The following MYZAP variants were observed in gnomAD, a reference collection of about 807,000 sequenced individuals.
MYZAP encodes GRINL1A complex locus upstream.
In MYZAP, 66 loss-of-function variants were observed where a neutral mutation model predicts 69.4. The ratio of observed to expected loss-of-function variants is 0.95; its 90% CI spans 0.78 to 1.17. The LOEUF (loss-of-function observed/expected upper bound fraction) is 1.17, where lower values mean the gene tolerates loss of function less well. Ranked by LOEUF, MYZAP falls within the 50% of genes most tolerant of loss-of-function variation. The pLI, the probability that MYZAP is intolerant of heterozygous loss-of-function variation, is 0.00. For missense variants in MYZAP, 611 were observed against 556.2 expected (o/e 1.10, Z -0.99); for synonymous variants, 256 against 205.9 (o/e 1.24, Z -2.09).
intron 4 of MYZAP, among the ~76,000 whole-genome samples, chr15:57,623,592 G>C (rs1469019635): frequency 5.3e-5 from 8 of 152,020 alleles, no homozygotes; most frequent in African/African-American, 1.9e-4. Flanking sequence ...AATTAGCCGG[G>C]CATGGTGGTG....
intron 12 of MYZAP, among the ~76,000 whole-genome samples, chr15:57,679,340 T>TTTTGTGTGTGTGTG (rs573596736): frequency 1.6e-5 from 2 of 125,512 alleles, no homozygotes. Flanking sequence ...TTTCACCTCT[T>TTTTGTGTGTGTGTG]TGTGTGTGTG....
chr15:57,593,188 G>GCATGCGCGCGCGCACACACACACACACA lies in MYZAP; in HGVS notation c.75+1081_75+1082insTGCGCGCGCGCACACACACACACACACA. 3.7e-3 allele frequency among the ~76,000 whole-genome samples: 424 copies of GCATGCGCGCGCGCACACACACACACACA among 114,192 alleles called. 7 individuals carry two copies. The highest frequency in any genetic ancestry group is 6.0e-3 in the Admixed American group (70 of 11,582). 74.9% of individuals were successfully genotyped at this position (114,192 alleles called of 152,430 possible). A position where few individuals can be genotyped will look rare whatever the true frequency, so the allele number is the denominator to read the frequency against. ...AGACACTTAGGTTGTGTACACAGGC[G>GCATGCGCGCGCGCACACACACACACACA]CACACACACACACACACACACACAC... On this transcript the variant is annotated intron_variant, in intron 1 of 12. Coordinates refer to ENST00000267853, the MANE Select transcript of MYZAP (RefSeq NM_001018100.5).
At chr15:57,633,315 A>G (rs1316640778) in intron 7 of MYZAP, among the ~76,000 whole-genome samples, 1 of 152,196 alleles carries the variant, frequency 6.6e-6, no homozygotes. Flanking sequence ...CATTCTGAGC[A>G]TCTACTCAAT....
intron 1 of MYZAP, among the ~76,000 whole-genome samples, chr15:57,595,806 G>T (rs1431268045): frequency 6.6e-6 from 1 of 152,180 alleles, no homozygotes; most frequent in Non-Finnish European, 1.5e-5. Context: ...CTATCTCCTA[G>T]CCTGCCCTTG....
intron 1 of MYZAP, among the ~76,000 whole-genome samples, chr15:57,597,300 C>T (rs1243677882): frequency 6.6e-6 from 1 of 152,128 alleles, no homozygotes; most frequent in Non-Finnish European, 1.5e-5. Flanking sequence ...ATAGCCATGT[C>T]GAGGCCTCAT....
chr15:57,599,850 C>A, intron 1 of MYZAP: 1 of 513,090 alleles, frequency 1.9e-6, no homozygotes, highest in Non-Finnish European at 3.5e-6. Context: ...GTTAGGGATT[C>A]AGAGTACCTT....
chr15:57,684,249 G>T (rs1181988540), intron 12 of MYZAP, among the ~76,000 whole-genome samples, 153 bp from the exon 13 acceptor site: 1 of 152,144 alleles, frequency 6.6e-6, no homozygotes, highest in African/African-American at 2.4e-5. Flanking sequence ...TGCAGGGCCT[G>T]TTTGTAATAT....
At chr15:57,609,560 A>G (rs1333425665) in intron 2 of MYZAP, among the ~76,000 whole-genome samples, 2 of 152,238 alleles carry the variant, frequency 1.3e-5, no homozygotes, top group African/African-American at 4.8e-5. Flanking sequence ...CCTGCTCTCC[A>G]TATAATTCCT....
In MYZAP at chr15:57,643,367, C is replaced by G. The variant is rs1210513001; in HGVS notation, c.1119+3822C>G. ...AGTCTTGCCTTTGGGTTTTATTATC[C>G]TGTTGAAAAGCTTTGTTGGGATTGG... is the stretch of plus-strand genomic sequence containing the variant. On this transcript the variant is annotated intron_variant, in intron 10 of 12. Coordinates refer to ENST00000267853, the MANE Select transcript of MYZAP (RefSeq NM_001018100.5). 3.9e-5 allele frequency among the ~76,000 whole-genome samples: 6 copies of G among 152,168 alleles called. No individual in the cohort carries two copies. In the South Asian group the frequency reaches 1.2e-3, roughly 31 times the overall value.
chr15:57,650,459 G>A (rs2037673187), intron 10 of MYZAP, among the ~76,000 whole-genome samples: 1 of 152,160 alleles, frequency 6.6e-6, no homozygotes, highest in Non-Finnish European at 1.5e-5. Flanking sequence ...AATGTCATAG[G>A]TGCTGGAAAC....
intron 12 of MYZAP, 143 bp downstream of exon 12, chr15:57,675,211 T>G: frequency 1.3e-6 from 1 of 788,502 alleles, no homozygotes; most frequent in Non-Finnish European, 2.0e-6. Flanking sequence ...GCTGAGAGGC[T>G]TGACTGGTTT....
chr15:57,647,640 G>C, intron 10 of MYZAP: 1 of 985,374 alleles, frequency 1.0e-6, no homozygotes, highest in South Asian at 4.7e-5. Context: ...TGGAGGCCAG[G>C]CAGGCCTTAT....
At chr15:57,663,795 T>C (rs2038431085) in intron 11 of MYZAP, among the ~76,000 whole-genome samples, 1 of 152,138 alleles carries the variant, frequency 6.6e-6, no homozygotes, top group African/African-American at 2.4e-5. Context: ...TATGTCTATC[T>C]AATAAGCAAG....
intron 10 of MYZAP, chr15:57,648,114 T>C: frequency 1.2e-6 from 1 of 834,512 alleles, no homozygotes; most frequent in South Asian, 6.1e-5. Context: ...CATGGTATTA[T>C]TCCTTATTTA....
At position 57,655,528 on chromosome 15, in the gene MYZAP, G is replaced by A. The variant is rs145524846; in HGVS notation, c.1120-5922G>A. 4.4e-3 allele frequency among the ~76,000 whole-genome samples: 671 copies of A among 152,114 alleles called. 8 individuals are homozygous for A. Among genetic ancestry groups the A allele is most frequent in the African/African-American group, 0.015 (642 of 41,508 alleles). Reference sequence around the variant, plus strand: ...AAAGCTCCCTCCATGGGTTTCCAGCGTGTGGCTATGGTTAAGGATGATTAC... The same window carrying A: ...AAAGCTCCCTCCATGGGTTTCCAGCATGTGGCTATGGTTAAGGATGATTAC... On this transcript the variant is annotated intron_variant, in intron 10 of 12. Transcript: ENST00000267853.
Position 57,637,781 on chromosome 15 carries a change from C to T in MYZAP, c.1013+7C>T, listed in dbSNP as rs183283064. The stretch of plus-strand genomic sequence containing the variant: ...CTGATTCTGACAAGGAAAGGTAAGA[C>T]GTAATGCCTTTCGTCTTGTAATGGA... On this transcript the variant is annotated splice_region_variant and intron_variant, in intron 9 of 12. Coordinates refer to ENST00000267853, the MANE Select transcript of MYZAP (RefSeq NM_001018100.5). 30 of 1,605,616 alleles carry T rather than the reference C, an allele frequency of 1.9e-5. No homozygotes were observed. In the African/African-American group the frequency reaches 3.1e-4, roughly 16 times the overall value.
At chr15:57,675,869 G>T (rs1407577166) in intron 12 of MYZAP, among the ~76,000 whole-genome samples, 1 of 152,158 alleles carries the variant, frequency 6.6e-6, no homozygotes, top group Non-Finnish European at 1.5e-5. Flanking sequence ...TTGTGATTTA[G>T]GTAATCAAAG....
At chr15:57,613,076 C>CA (rs2035211807) in intron 2 of MYZAP, among the ~76,000 whole-genome samples, 1 of 152,026 alleles carries the variant, frequency 6.6e-6, no homozygotes, top group South Asian at 2.1e-4. Flanking sequence ...GGACTACAGG[C>CA]GCCTGCCACC....
intron 2 of MYZAP, among the ~76,000 whole-genome samples, chr15:57,616,987 GT>G (rs2140378248): frequency 6.6e-6 from 1 of 151,878 alleles, no homozygotes; most frequent in African/African-American, 2.4e-5. Flanking sequence ...CTGAGAGAAG[GT>G]CAGTTTGTCT....
Sources: gnomAD v4.1 joint callset for allele counts (sites outside exome capture counted in the v4.1 genomes callset) on GRCh38, gnomAD v4.1.1 for gene constraint, MANE v1.5 for transcripts, NCBI Gene and HGNC (gene_info 2026-07-23, HGNC 2026-07-21) for gene names.